Variants in ALK observed in about 807,000 individuals in gnomAD.
The protein encoded by ALK is ALK tyrosine kinase receptor.
ALK carries 74 observed loss-of-function variants against 163.1 expected under a neutral mutation model. The observed-to-expected ratio is 0.45, with a 90% CI of 0.38 to 0.55. The LOEUF (loss-of-function observed/expected upper bound fraction) is 0.55. ALK is among the 20% of genes least tolerant of loss of function. The probability of loss-of-function intolerance (pLI) is 0.00; values close to 1 mark genes in which losing one functional copy is unlikely to be tolerated. For synonymous variants in ALK, 960 were observed against 843.2 expected, an observed-to-expected ratio of 1.14 and a Z score of -2.40; for missense variants, 2,063 against 2,105.3, an observed-to-expected ratio of 0.98 and a Z score of 0.39.
chr2:29,484,376 C>T (rs1486584969), intron 4 of ALK, among the ~76,000 whole-genome samples: 1 of 152,022 alleles, frequency 6.6e-6, no homozygotes. Flanking sequence ...AGCACACACA[C>T]ATATATAAAC....
rs71444431 is a variant in ALK at position 29,640,317 on chromosome 2, G to T, written c.952+54533C>A. 3.4e-3 allele frequency among the ~76,000 whole-genome samples: 511 copies of T among 152,328 alleles called. 3 individuals are homozygous for T. Among genetic ancestry groups the T allele is most frequent in the Admixed American group, 5.6e-3 (85 of 15,302 alleles). Reference sequence around the variant, plus strand: ...GTGGGGAAGGGACTGGATCATGGGGGTGGAATTCTCATGAGTGGTTTGGCA... The same window carrying T: ...GTGGGGAAGGGACTGGATCATGGGGTTGGAATTCTCATGAGTGGTTTGGCA... On this transcript the variant is annotated intron_variant, in intron 3 of 28. Transcript: ENST00000389048.
chr2:29,770,145 A>G (rs1242789026), intron 1 of ALK, among the ~76,000 whole-genome samples: 1 of 152,242 alleles, frequency 6.6e-6, no homozygotes, highest in Non-Finnish European at 1.5e-5. Flanking sequence ...GACACCAGGC[A>G]CAGTTAGAGG....
At chr2:29,679,680 A>G (rs533706354) in intron 3 of ALK, among the ~76,000 whole-genome samples, 251 of 152,062 alleles carry the variant, frequency 1.7e-3, no homozygotes, top group Middle Eastern at 3.4e-3. Context: ...ATATAGTTTT[A>G]TAATTGTGGA....
intron 18 of ALK, among the ~76,000 whole-genome samples, chr2:29,226,206 C>A (rs376822714): frequency 4.6e-5 from 7 of 151,900 alleles, no homozygotes. Flanking sequence ...GGGCCAGGTG[C>A]GGTGGCTCAC....
chr2:29,390,353 T>C (rs1314256276), intron 4 of ALK, among the ~76,000 whole-genome samples: 1 of 152,114 alleles, frequency 6.6e-6, no homozygotes, highest in African/African-American at 2.4e-5. Flanking sequence ...ATAAACTAGA[T>C]AACCAGCCAA....
intron 1 of ALK, among the ~76,000 whole-genome samples, chr2:29,880,533 C>T (rs1346709539): frequency 6.6e-6 from 1 of 152,174 alleles, no homozygotes; most frequent in Non-Finnish European, 1.5e-5. Flanking sequence ...TGTCACCCAC[C>T]CCCACTTAAG....
intron 5 of ALK, among the ~76,000 whole-genome samples, chr2:29,355,348 A>G (rs956419343): frequency 2.6e-5 from 4 of 152,170 alleles, no homozygotes; most frequent in African/African-American, 9.7e-5. Context: ...TTCCCACTCC[A>G]GTGCTGTTTT....
chr2:29,474,341 G>A (rs1490932602), intron 4 of ALK, among the ~76,000 whole-genome samples: 1 of 152,182 alleles, frequency 6.6e-6, no homozygotes, highest in Non-Finnish European at 1.5e-5. Context: ...ATGACTGGGA[G>A]GGGGCATAAG....
At chr2:29,385,118 C>A (rs1417909674) in intron 4 of ALK, among the ~76,000 whole-genome samples, 4 of 94,842 alleles carry the variant, frequency 4.2e-5, no homozygotes, top group African/African-American at 1.5e-4. Flanking sequence ...CAATATTTCA[C>A]ATTTTTTTTT....
chr2:29,547,076 A>G (rs747136562), intron 3 of ALK, among the ~76,000 whole-genome samples: 10 of 152,212 alleles, frequency 6.6e-5, no homozygotes, highest in Non-Finnish European at 1.2e-4. Flanking sequence ...GTCAATGCAC[A>G]TGCAGGAAGC....
chr2:29,608,192 C>T (rs1675593251), intron 3 of ALK, among the ~76,000 whole-genome samples: 1 of 152,168 alleles, frequency 6.6e-6, no homozygotes, highest in African/African-American at 2.4e-5. Context: ...CCCAGTGCTC[C>T]CTTGCCATGC....
intron 2 of ALK, among the ~76,000 whole-genome samples, chr2:29,700,137 A>G (rs1422541887): frequency 6.6e-6 from 1 of 152,194 alleles, no homozygotes; most frequent in African/African-American, 2.4e-5. Context: ...TGCTCAGGAG[A>G]TGCTGCCCCT....
intron 4 of ALK, among the ~76,000 whole-genome samples, chr2:29,457,981 G>A (rs1438070244): frequency 6.6e-6 from 1 of 152,102 alleles, no homozygotes; most frequent in Admixed American, 6.6e-5. Context: ...GGTCTCAGAT[G>A]CTACTCTCAC....
intron 13 of ALK, 103 bp from the exon 14 acceptor site, chr2:29,233,799 A>C: frequency 1.3e-6 from 2 of 1,525,486 alleles, no homozygotes; most frequent in Non-Finnish European, 1.8e-6. Context: ...ACTCTCTCTC[A>C]AAAAACTTAC....
chr2:29,642,239 CCT>C, intron 3 of ALK, among the ~76,000 whole-genome samples: 1 of 152,286 alleles, frequency 6.6e-6, no homozygotes, highest in East Asian at 1.9e-4. Flanking sequence ...TAGGACTCTA[CCT>C]TTCAAATATG....
intron 3 of ALK, among the ~76,000 whole-genome samples, chr2:29,565,377 TC>T (rs1267654867): frequency 6.6e-6 from 1 of 152,044 alleles, no homozygotes; most frequent in African/African-American, 2.4e-5. Context: ...TACATATACA[TC>T]CCAAGACCCT....
intron 1 of ALK, among the ~76,000 whole-genome samples, chr2:29,735,918 A>C (rs1353675926): frequency 6.6e-6 from 1 of 152,078 alleles, no homozygotes; most frequent in Non-Finnish European, 1.5e-5. Flanking sequence ...TCTTTACAGC[A>C]GTGTGAGAAG....
intron 1 of ALK, chr2:29,899,829 A>AAAAAAAAG (rs1667366545): frequency 6.6e-6 from 1 of 152,394 alleles, no homozygotes; most frequent in African/African-American, 2.4e-5. Flanking sequence ...CCATCTCAAA[A>AAAAAAAAG]AAAAAAAAGA....
chr2:29,825,529 T>C (rs866319772), intron 1 of ALK, among the ~76,000 whole-genome samples: 2 of 152,114 alleles, frequency 1.3e-5, no homozygotes, highest in Non-Finnish European at 2.9e-5. Flanking sequence ...GGCTAGGCCA[T>C]AGCATGCAAG....
Sources: allele counts gnomAD v4.1 joint callset (sites outside exome capture counted in the v4.1 genomes callset), GRCh38; gene constraint gnomAD v4.1.1; transcripts MANE v1.5; gene names NCBI Gene and HGNC (gene_info 2026-07-23, HGNC 2026-07-21).